The following GPR89A variants were observed in gnomAD, a reference collection of about 807,000 sequenced individuals.
The protein encoded by GPR89A is golgi pH regulator A, also known as G protein-coupled receptor 89A.
Under a neutral mutation model 52.0 loss-of-function variants are expected in GPR89A, and 16 were observed. The observed-to-expected ratio is 0.31, with a 90% CI of 0.21 to 0.47. The LOEUF is 0.47. GPR89A is among the 20% of genes least tolerant of loss of function. The pLI is 1.00. For missense variants in GPR89A, 135 were observed against 449.4 expected, an observed-to-expected ratio of 0.30 and a Z score of 6.33; for synonymous variants, 55 against 150.9, an observed-to-expected ratio of 0.36 and a Z score of 4.66.
At chr1:145,640,266 C>A (rs1650560103) in intron 7 of GPR89A, among the ~76,000 whole-genome samples, 2 of 1,544 alleles carry the variant, frequency 1.3e-3, no homozygotes, top group Admixed American at 0.013. Context: ...AACTATAAAA[C>A]TTTCAGAAAA....
chr1:145,621,349 T>TA (rs2101747771), intron 3 of GPR89A, among the ~76,000 whole-genome samples: 1 of 150,918 alleles, frequency 6.6e-6, no homozygotes, highest in Admixed American at 6.6e-5. Flanking sequence ...ATGATGATTT[T>TA]ATCTAACTGA....
intron 7 of GPR89A, among the ~76,000 whole-genome samples, chr1:145,638,481 CAG>C (rs1354047261): frequency 7.0e-6 from 1 of 143,436 alleles, no homozygotes; most frequent in Non-Finnish European, 1.5e-5. Flanking sequence ...CCCCAGGTGA[CAG>C]AGCGAGACTC....
chr1:145,616,106 G>C (rs1648669942), intron 1 of GPR89A, 128 bp from the exon 2 acceptor site: 2 of 671,440 alleles, frequency 3.0e-6, no homozygotes, highest in East Asian at 5.2e-5. Flanking sequence ...TTATAAGAGT[G>C]GATCTTATCT....
chr1:145,661,889 TTG>T (rs1652227916), intron 10 of GPR89A, among the ~76,000 whole-genome samples: 6 of 151,184 alleles, frequency 4.0e-5, no homozygotes, highest in Non-Finnish European at 7.4e-5. Context: ...GATTTCTTCT[TTG>T]ATTCATGGGT....
chr1:145,611,699 T>TGGATGATTAAATG (rs1648292696), intron 1 of GPR89A: 1 of 146,742 alleles, frequency 6.8e-6, no homozygotes, highest in Non-Finnish European at 1.5e-5. Flanking sequence ...TTTTTTTTAA[T>TGGATGATTAAATG]CATCCATTTC....
intron 10 of GPR89A, among the ~76,000 whole-genome samples, chr1:145,658,194 A>T (rs1236764850): frequency 6.6e-6 from 1 of 152,162 alleles, no homozygotes; most frequent in Non-Finnish European, 1.5e-5. Flanking sequence ...ATGTAATTTT[A>T]AAAAGTATAT....
intron 10 of GPR89A, among the ~76,000 whole-genome samples, chr1:145,654,903 C>T (rs1255491418): frequency 6.6e-6 from 1 of 151,620 alleles, no homozygotes; most frequent in African/African-American, 2.4e-5. Context: ...TGAAACGGTT[C>T]CGTTCTCCCC....
At chr1:145,626,094 C>T (rs756635122) in intron 5 of GPR89A, among the ~76,000 whole-genome samples, 5 of 150,620 alleles carry the variant, frequency 3.3e-5, no homozygotes, top group Middle Eastern at 3.2e-3. Flanking sequence ...ACAAAGGGAA[C>T]GACTTGCACT....
intron 10 of GPR89A, among the ~76,000 whole-genome samples, chr1:145,647,713 G>C (rs1195523496): frequency 2.7e-5 from 4 of 149,448 alleles, no homozygotes; most frequent in Non-Finnish European, 5.9e-5. Context: ...GCTGAGGCAG[G>C]AGAATCGCTT....
chr1:145,653,216 C>A (rs1276399649), intron 10 of GPR89A, among the ~76,000 whole-genome samples: 6 of 151,230 alleles, frequency 4.0e-5, no homozygotes, highest in Non-Finnish European at 8.8e-5. Flanking sequence ...TGATTTCTGC[C>A]TTAATTTCAT....
At chr1:145,660,443 A>C (rs1312662207) in intron 10 of GPR89A, among the ~76,000 whole-genome samples, 1 of 152,190 alleles carries the variant, frequency 6.6e-6, no homozygotes, top group Non-Finnish European at 1.5e-5. Flanking sequence ...ACAAAAGCCA[A>C]AATTGACAAA....
intron 11 of GPR89A, among the ~76,000 whole-genome samples, chr1:145,664,178 A>G (rs1338889245): frequency 3.3e-5 from 5 of 151,790 alleles, no homozygotes; most frequent in Non-Finnish European, 4.4e-5. Flanking sequence ...TCCCAGCCAG[A>G]CGTGCCCCTA....
intron 10 of GPR89A, among the ~76,000 whole-genome samples, chr1:145,649,900 T>C (rs1553693268): frequency 6.6e-6 from 1 of 152,132 alleles, no homozygotes; most frequent in East Asian, 1.9e-4. Flanking sequence ...TAATGTCTAA[T>C]GATATTGAGC....
chr1:145,612,310 C>T (rs1477635967), intron 1 of GPR89A: 1 of 152,184 alleles, frequency 6.6e-6, no homozygotes, highest in East Asian at 1.9e-4. Flanking sequence ...GTGTTCACAA[C>T]CATTCTTACC....
intron 10 of GPR89A, among the ~76,000 whole-genome samples, chr1:145,648,261 A>C (rs587771848): frequency 1.7e-4 from 26 of 152,022 alleles, no homozygotes; most frequent in South Asian, 6.4e-4. Flanking sequence ...TGTTTGTGCA[A>C]AGAGGAGCTT....
chr1:145,639,146 TATAA>T (rs1334023052), intron 7 of GPR89A, among the ~76,000 whole-genome samples: 2 of 151,766 alleles, frequency 1.3e-5, no homozygotes, highest in Non-Finnish European at 2.9e-5. Flanking sequence ...TCAAATAAGA[TATAA>T]ATAAACCATG....
Position 145,609,327 on chromosome 1 carries a change from T to C in GPR89A, c.42+1152T>C, listed in dbSNP as rs587708881. On this transcript the variant is annotated intron_variant, in intron 1 of 13. Transcript: ENST00000313835. ...TTTCTCTTCAAAAACTTGTTTACAATATTTAAGAAAATAAGAAAGAAGGAA... is the reference window on the plus strand; with the variant it reads ...TTTCTCTTCAAAAACTTGTTTACAACATTTAAGAAAATAAGAAAGAAGGAA... Among the ~76,000 whole-genome samples, 12 of 152,374 alleles carry C rather than the reference T, an allele frequency of 7.9e-5. No individual in the cohort carries two copies. In the South Asian group the frequency reaches 2.5e-3, roughly 32 times the overall value.
intron 5 of GPR89A, among the ~76,000 whole-genome samples, chr1:145,626,962 A>AG (rs1649552551): frequency 3.4e-5 from 5 of 148,524 alleles, no homozygotes; most frequent in Admixed American, 1.3e-4. Context: ...AAAAAAAAAA[A>AG]AAGATAAGAC....
intron 10 of GPR89A, among the ~76,000 whole-genome samples, chr1:145,655,805 C>T (rs1425849963): frequency 3.6e-4 from 55 of 152,228 alleles, no homozygotes; most frequent in African/African-American, 1.3e-3. Context: ...TCTGACTGCC[C>T]CTTGGCAGAG....
Sources: allele counts gnomAD v4.1 joint callset (sites outside exome capture counted in the v4.1 genomes callset), GRCh38; gene constraint gnomAD v4.1.1; transcripts MANE v1.5; gene names NCBI Gene and HGNC (gene_info 2026-07-23, HGNC 2026-07-21).